TPTE2: variants seen among roughly 807,000 people sequenced by gnomAD.
TPTE2 encodes transmembrane phosphoinositide 3-phosphatase and tensin homolog 2, also known as phosphatidylinositol 3,4,5-trisphosphate 3-phosphatase TPTE2.
A neutral mutation model predicts 78.6 loss-of-function variants in TPTE2; 53 were observed. That is an observed-to-expected ratio of 0.67 (90% CI 0.54 to 0.85). The LOEUF (loss-of-function observed/expected upper bound fraction) is 0.85, where lower values mean the gene tolerates loss of function less well. Ranked by LOEUF, TPTE2 falls within the 40% of genes least tolerant of loss-of-function variation. The pLI is 0.00. For missense variants in TPTE2, 461 were observed against 623.0 expected (o/e 0.74, Z 2.77); for synonymous variants, 175 against 206.2 (o/e 0.85, Z 1.30).
At chr13:19,450,080 G>C in exon 13 of TPTE2, 1 of 1,610,814 alleles carries the variant, frequency 6.2e-7, no homozygotes, top group Non-Finnish European at 8.5e-7. Flanking sequence ...TATTACCTTT[G>C]CCTCCTTTAC....
chr13:19,481,299 T>TA (rs1281048437), intron 4 of TPTE2, among the ~76,000 whole-genome samples: 1 of 152,256 alleles, frequency 6.6e-6, no homozygotes, highest in Non-Finnish European at 1.5e-5. Context: ...TTTTGCATGT[T>TA]ATTTTCGTTT....
At chr13:19,447,328 C>G (rs1285188562) in intron 13 of TPTE2, among the ~76,000 whole-genome samples, 3 of 152,084 alleles carry the variant, frequency 2.0e-5, no homozygotes, top group Non-Finnish European at 4.4e-5. Context: ...TTCCTTCAAG[C>G]AAGGAATTAG....
chr13:19,502,448 C>T (rs1868658830), intron 1 of TPTE2, among the ~76,000 whole-genome samples: 1 of 151,168 alleles, frequency 6.6e-6, no homozygotes, highest in Non-Finnish European at 1.5e-5. Context: ...CACATATACA[C>T]CATGGAATAC....
chr13:19,533,516 G>T (rs539691955), intron 1 of TPTE2, among the ~76,000 whole-genome samples: 3 of 152,354 alleles, frequency 2.0e-5, no homozygotes, highest in South Asian at 2.1e-4. Flanking sequence ...TTCCCAAATT[G>T]ATATTGGACA....
chr13:19,464,208 A>T (rs991478950), intron 10 of TPTE2, among the ~76,000 whole-genome samples: 2 of 152,204 alleles, frequency 1.3e-5, no homozygotes, highest in African/African-American at 4.8e-5. Context: ...TTGGACAGTT[A>T]AGCCCATACC....
the TPTE2 span, among the ~76,000 whole-genome samples, chr13:19,557,999 T>C: frequency 6.6e-6 from 1 of 152,140 alleles, no homozygotes; most frequent in Non-Finnish European, 1.5e-5. Flanking sequence ...CTGTAAAATG[T>C]CAGATTTTTA....
chr13:19,560,859 A>C, the TPTE2 span: 100 of 1,561,258 alleles, frequency 6.4e-5, no homozygotes, highest in Non-Finnish European at 7.9e-5. Context: ...GTGAAGCGGC[A>C]GGCCTGACAG....
intron 1 of TPTE2, among the ~76,000 whole-genome samples, chr13:19,533,970 G>A (rs1319414670): frequency 6.6e-6 from 1 of 152,152 alleles, no homozygotes; most frequent in Non-Finnish European, 1.5e-5. Flanking sequence ...AAGCAAGACA[G>A]GAACATTAAA....
chr13:19,547,428 G>A, the TPTE2 span, among the ~76,000 whole-genome samples: 6 of 152,270 alleles, frequency 3.9e-5, no homozygotes, highest in South Asian at 1.0e-3. Context: ...TACATAATCG[G>A]TTGGAGTGGG....
the TPTE2 span, among the ~76,000 whole-genome samples, chr13:19,556,180 A>T: frequency 0.02 from 2,996 of 152,150 alleles, 38 homozygotes; most frequent in Middle Eastern, 0.048. Context: ...GTCCCTATGC[A>T]TTTTGCACTT....
At chr13:19,424,813 G>C in intron 19 of TPTE2, 134 bp downstream of exon 22, 1 of 628,386 alleles carries the variant, frequency 1.6e-6, no homozygotes, top group African/African-American at 1.9e-5. Flanking sequence ...GTAAGGCAAG[G>C]AAAAATGGTG....
intron 1 of TPTE2, among the ~76,000 whole-genome samples, chr13:19,528,168 G>A (rs1318557186): frequency 2.6e-5 from 4 of 151,974 alleles, no homozygotes; most frequent in Admixed American, 1.3e-4. Flanking sequence ...GATTACCTGA[G>A]GTCAGGAGTT....
At chr13:19,520,159 T>C (rs368720477) in intron 1 of TPTE2, among the ~76,000 whole-genome samples, 4 of 152,238 alleles carry the variant, frequency 2.6e-5, no homozygotes, top group African/African-American at 7.2e-5. Flanking sequence ...TTAGATTTTC[T>C]ATATACAACA....
chr13:19,457,577 T>C (rs1055078579), intron 10 of TPTE2, among the ~76,000 whole-genome samples: 5 of 150,568 alleles, frequency 3.3e-5, no homozygotes, highest in African/African-American at 9.7e-5. Flanking sequence ...TGTGTGCTCA[T>C]GTGTTCTCAT....
chr13:19,542,671 A>G, the TPTE2 span, among the ~76,000 whole-genome samples: 1 of 152,088 alleles, frequency 6.6e-6, no homozygotes, highest in Non-Finnish European at 1.5e-5. Context: ...TGGCTTCATA[A>G]AAGTGTAAAA....
chr13:19,509,562 A>G (rs1482651348), intron 1 of TPTE2, among the ~76,000 whole-genome samples: 3 of 152,212 alleles, frequency 2.0e-5, no homozygotes. Flanking sequence ...GTGCAAGAAA[A>G]TATATTTATA....
chr13:19,493,867 C>T (rs1881154673), intron 1 of TPTE2, among the ~76,000 whole-genome samples: 1 of 152,160 alleles, frequency 6.6e-6, no homozygotes, highest in South Asian at 2.1e-4. Context: ...CCTCCATTAG[C>T]TCCTTACATT....
At chr13:19,462,591 G>A (rs1472224287) in intron 10 of TPTE2, among the ~76,000 whole-genome samples, 2 of 147,338 alleles carry the variant, frequency 1.4e-5, no homozygotes, top group African/African-American at 2.5e-5. Flanking sequence ...CACCCAGGCT[G>A]TAGTGCAGTG....
chr13:19,474,054 G>A lies in TPTE2; in HGVS notation c.252C>T (p.Val84=), dbSNP rs1227215787. 4 of 1,586,072 alleles carry A rather than the reference G, an allele frequency of 2.5e-6. No individual in the cohort carries two copies. In the African/African-American group the frequency reaches 5.6e-5, roughly 22 times the overall value. Residue 84 remains valine (V), a synonymous_variant, in exon 6 of 20, where the codon GTC becomes GTT. Transcript: ENST00000400230. ...CAAGGAGGAGAGTGACATCCAGTAAGACCAGGAAAACTCCAAATATTCTAA... is the reference window on the plus strand; with the variant it reads ...CAAGGAGGAGAGTGACATCCAGTAAAACCAGGAAAACTCCAAATATTCTAA...
Sources: allele counts gnomAD v4.1 joint callset (sites outside exome capture counted in the v4.1 genomes callset), GRCh38; gene constraint gnomAD v4.1.1; transcripts MANE v1.5; gene names NCBI Gene and HGNC (gene_info 2026-07-23, HGNC 2026-07-21).